ACSBG1: variants seen among roughly 807,000 people sequenced by gnomAD.
ACSBG1 encodes the protein long-chain-fatty-acid--CoA ligase ACSBG1.
Under a neutral mutation model 80.2 loss-of-function variants are expected in ACSBG1, and 39 were observed. The ratio of observed to expected loss-of-function variants is 0.49; its 90% confidence interval spans 0.38 to 0.64. The LOEUF (loss-of-function observed/expected upper bound fraction) is 0.64. Ranked by LOEUF, ACSBG1 falls within the 30% of genes least tolerant of loss-of-function variation. The pLI is 0.00. For missense variants in ACSBG1, 828 were observed against 966.4 expected (o/e 0.86, Z 1.90); for synonymous variants, 392 against 379.5 (o/e 1.03, Z -0.38).
Position 78,168,975 on chromosome 15 carries a change from A to G in ACSBG1, c.*2469T>C, listed in dbSNP as rs778096795. ...CAAAATGCTCAGACTTCACAGAGGAAATCTGTCGCCGAGTAAAAGATTTAG... is the reference window on the plus strand; with the variant it reads ...CAAAATGCTCAGACTTCACAGAGGAGATCTGTCGCCGAGTAAAAGATTTAG... On this transcript the variant is annotated 3_prime_UTR_variant, in exon 14 of 14. Transcript: ENST00000258873. 4.4e-6 allele frequency: 7 copies of G among 1,602,074 alleles called. No homozygotes were observed. In the South Asian group the frequency reaches 4.4e-5, roughly 10 times the overall value.
At chr15:78,195,402 G>T (rs925678415) in intron 2 of ACSBG1, among the ~76,000 whole-genome samples, 1 of 152,118 alleles carries the variant, frequency 6.6e-6, no homozygotes, top group Admixed American at 6.5e-5. Context: ...GTCAGGATTT[G>T]AACTCAGGTG....
chr15:78,203,179 G>A (rs2075183937), intron 2 of ACSBG1, among the ~76,000 whole-genome samples: 1 of 152,112 alleles, frequency 6.6e-6, no homozygotes, highest in Non-Finnish European at 1.5e-5. Flanking sequence ...CACCAACAGG[G>A]CACAACCATC....
rs1166267071 is a variant in ACSBG1, at chr15:78,194,674, G to T, written c.285C>A (p.Asp95Glu). 1.2e-6 allele frequency: 2 copies of T among 1,613,916 alleles called. No homozygotes were observed. The highest frequency in any genetic ancestry group is 2.2e-5 in the South Asian group (2 of 91,070). ...RADGRVRLRI[D>E]PSCPQLPYTV... Reference sequence around the variant, plus strand: ...TGTAGGGAAGCTGTGGGCAGCTGGGGTCTATGCGCAGGCGCACCCGCCCAT... The same window carrying T: ...TGTAGGGAAGCTGTGGGCAGCTGGGTTCTATGCGCAGGCGCACCCGCCCAT... The change falls in exon 3 of 14, where the codon GAC becomes GAA. Residue 95 changes from aspartate (D) to glutamate (E), a missense_variant. Physicochemically the swap from Asp to Glu is conservative, Grantham distance 45 (BLOSUM62 2). Coordinates refer to ENST00000258873, the MANE Select transcript of ACSBG1 (RefSeq NM_015162.5).
At chr15:78,228,272 G>A (rs556227385) in intron 1 of ACSBG1, among the ~76,000 whole-genome samples, 6 of 152,224 alleles carry the variant, frequency 3.9e-5, no homozygotes, top group Non-Finnish European at 8.8e-5. Flanking sequence ...CCCAGTGTGA[G>A]ATAGGGTTTT....
intron 2 of ACSBG1, among the ~76,000 whole-genome samples, chr15:78,198,776 T>C (rs1176446861): frequency 6.6e-6 from 1 of 152,364 alleles, no homozygotes; most frequent in Admixed American, 6.5e-5. Context: ...TTAGGTTTTA[T>C]TTTGTTGTTG....
Position 78,173,659 on chromosome 15 carries a change from G to A in ACSBG1, c.2023C>T (p.Arg675Trp), listed in dbSNP as rs535712376. 1.2e-5 allele frequency: 19 copies of A among 1,614,068 alleles called. No individual in the cohort carries two copies. Among genetic ancestry groups the A allele is most frequent in the South Asian group, 2.2e-5 (2 of 91,088 alleles). Residue 675 changes from arginine to tryptophan, a missense_variant, in exon 13 of 14, where the codon CGG (arginine) becomes TGG (tryptophan). Arg to Trp is a moderately radical substitution (Grantham distance 101). This residue lies in a region of ACSBG1 where 201 missense variants were observed against 227.0 expected (regional missense o/e 0.89). Coordinates refer to ENST00000258873, the MANE Select transcript of ACSBG1 (RefSeq NM_015162.5). ...GCCCACTTCTGGATGTGGTAGGGCC[G>A]GGCCGCCGCGTTCATGTTGACCCTC... ...IRRVNMNAAA[R>W]PYHIQKWAIL... is the part of the protein sequence containing the mutation.
intron 8 of ACSBG1, 56 bp from the exon 9 acceptor site, chr15:78,180,992 G>A: frequency 6.3e-7 from 1 of 1,577,728 alleles, no homozygotes; most frequent in Non-Finnish European, 8.6e-7. Flanking sequence ...GGGCCCAGGG[G>A]TCCCCTCTTA....
chr15:78,178,814 G>A lies in ACSBG1; in HGVS notation c.1502C>T (p.Pro501Leu). Residue 501 changes from proline to leucine, a missense_variant, in exon 11 of 14, where the codon CCC becomes CTC. By Grantham distance (98) the Pro-to-Leu change is moderately conservative (BLOSUM62 -3). This residue lies in a region of ACSBG1 where 271 missense variants were observed against 375.9 expected (regional missense o/e 0.72). Coordinates refer to ENST00000258873, the MANE Select transcript of ACSBG1 (RefSeq NM_015162.5). This position sits in a 1 kb window ranked among gnomAD's most constrained non-coding sequence, Gnocchi z 4.3. The stretch of plus-strand genomic sequence containing the variant: ...GTTCACCAGCTTCACCCGACAGCCG[G>A]GCACCAACTTGCCTGAGCTGGCGAG... ...YRLYSSGKLV[P>L]GCRVKLVNQD... is the part of the protein sequence containing the mutation. 1 of 1,612,546 alleles carries A rather than the reference G, an allele frequency of 6.2e-7. No homozygotes were observed. Among genetic ancestry groups the A allele is most frequent in the Non-Finnish European group, 8.5e-7 (1 of 1,179,924 alleles).
At chr15:78,228,363 G>A (rs559653901) in intron 1 of ACSBG1, among the ~76,000 whole-genome samples, 41 of 152,300 alleles carry the variant, frequency 2.7e-4, no homozygotes, top group African/African-American at 9.4e-4. Context: ...TTCCCTAGAG[G>A]TAATCAGGTC....
intron 5 of ACSBG1, among the ~76,000 whole-genome samples, chr15:78,193,018 G>A (rs1162208432): frequency 6.6e-6 from 1 of 152,114 alleles, no homozygotes; most frequent in African/African-American, 2.4e-5. Flanking sequence ...GGCTCTAGAG[G>A]CACTCTGAGC....
chr15:78,207,951 C>A, intron 2 of ACSBG1, 51 bp downstream of exon 2: 1 of 1,062,882 alleles, frequency 9.4e-7, no homozygotes, highest in Non-Finnish European at 1.4e-6. Flanking sequence ...GCACACCCAG[C>A]ACAGCACAGT....
At chr15:78,179,840 C>T in intron 9 of ACSBG1, 60 bp from the exon 10 acceptor site, 16 of 1,202,544 alleles carry the variant, frequency 1.3e-5, no homozygotes, top group Admixed American at 1.9e-5. Context: ...CACACACACA[C>T]ACATACACAC....
At position 78,168,988 on chromosome 15, in the gene ACSBG1, G is replaced by T; in HGVS notation, c.*2456C>A. ...CTTCACAGAGGAAATCTGTCGCCGA[G>T]TAAAAGATTTAGATTAACACTTCTA... On this transcript the variant is annotated 3_prime_UTR_variant, in exon 14 of 14. Coordinates refer to ENST00000258873, the MANE Select transcript of ACSBG1 (RefSeq NM_015162.5). 1.3e-6 allele frequency: 2 copies of T among 1,598,834 alleles called. No individual in the cohort carries two copies. The highest frequency in any genetic ancestry group is 1.7e-6 in the Non-Finnish European group (2 of 1,167,302).
At chr15:78,176,376 T>C (rs1245271159) in intron 11 of ACSBG1, among the ~76,000 whole-genome samples, 1 of 152,140 alleles carries the variant, frequency 6.6e-6, no homozygotes, top group Non-Finnish European at 1.5e-5. Flanking sequence ...GTTGTGTCCA[T>C]AGGAAATTCA....
Position 78,182,685 on chromosome 15 carries a change from C to G in ACSBG1, c.744+20G>C. 1 of 1,614,090 alleles carries G rather than the reference C, an allele frequency of 6.2e-7. No individual in the cohort carries two copies. Among genetic ancestry groups the G allele is most frequent in the African/African-American group, 1.3e-5 (1 of 75,068 alleles). ...GGCCCAATAGGCCCCACCTGGCGCC[C>G]AGGGCCCCACTGCCCATACCGTGTA... On this transcript the variant is annotated intron_variant, in intron 6 of 13. Transcript: ENST00000258873.
At chr15:78,195,682 C>T (rs1398796934) in intron 2 of ACSBG1, among the ~76,000 whole-genome samples, 1 of 152,166 alleles carries the variant, frequency 6.6e-6, no homozygotes, top group African/African-American at 2.4e-5. Flanking sequence ...TTCCTTCTTC[C>T]TCTTTTTTCC....
intron 5 of ACSBG1, 126 bp from the exon 6 acceptor site, chr15:78,182,911 C>T: frequency 1.0e-6 from 1 of 953,308 alleles, no homozygotes; most frequent in Non-Finnish European, 1.6e-6. Flanking sequence ...GACCTTCGAC[C>T]CCAGCAGGAC....
Position 78,180,878 on chromosome 15 carries a change from C to T in ACSBG1, c.1130G>A (p.Arg377Gln), listed in dbSNP as rs1305794317. 3 of 1,614,122 alleles carry T rather than the reference C, an allele frequency of 1.9e-6. No individual in the cohort carries two copies. The highest frequency in any genetic ancestry group is 1.7e-5 in the Admixed American group (1 of 60,008). The stretch of plus-strand genomic sequence containing the variant: ...GCGCTCCATGATCTTCTCCCATACC[C>T]GGGGCACCCCCATGTGTGATGTGGG... ...VEPTSHMGVPRVWEKIMERIQ... is the reference protein window; with the variant it reads ...VEPTSHMGVPQVWEKIMERIQ... Residue 377 changes from arginine to glutamine, a missense_variant, in exon 9 of 14, where the codon CGG becomes CAG. Coordinates refer to ENST00000258873, the MANE Select transcript of ACSBG1 (RefSeq NM_015162.5).
At chr15:78,234,011 C>T (rs1395844166) in intron 1 of ACSBG1, among the ~76,000 whole-genome samples, 2 of 152,182 alleles carry the variant, frequency 1.3e-5, no homozygotes, top group Non-Finnish European at 2.9e-5. Context: ...GGGTCCCCAC[C>T]AAAACTTATC....
Sources: allele counts gnomAD v4.1 joint callset (sites outside exome capture counted in the v4.1 genomes callset), GRCh38; gene constraint gnomAD v4.1.1; regional missense constraint gnomAD v4.1.1; non-coding constraint Gnocchi (gnomAD v3.1); transcripts MANE v1.5; gene names NCBI Gene and HGNC (gene_info 2026-07-23, HGNC 2026-07-21).